ARHGAP32: variants seen among roughly 807,000 people sequenced by gnomAD.
ARHGAP32 encodes Rho GTPase activating protein 32.
A neutral mutation model predicts 186.5 loss-of-function variants in ARHGAP32; 51 were observed. The ratio of observed to expected loss-of-function variants is 0.27; its 90% CI spans 0.22 to 0.35. ARHGAP32 has a LOEUF of 0.35. ARHGAP32 is among the 10% of genes least tolerant of loss of function. The pLI, the probability that ARHGAP32 is intolerant of heterozygous loss-of-function variation, is 1.00. For synonymous variants in ARHGAP32, 950 were observed against 964.3 expected, an observed-to-expected ratio of 0.99 and a Z score of 0.27; for missense variants, 2,186 against 2,623.5, an observed-to-expected ratio of 0.83 and a Z score of 3.64.
chr11:129,144,502 A>G (rs1352543704), intron 2 of ARHGAP32, among the ~76,000 whole-genome samples: 3 of 152,138 alleles, frequency 2.0e-5, no homozygotes, highest in African/African-American at 7.2e-5. Flanking sequence ...AATGGGGAAT[A>G]TTTCCTAATG....
At chr11:129,157,328 T>C (rs981473067) in intron 2 of ARHGAP32, among the ~76,000 whole-genome samples, 2 of 151,786 alleles carry the variant, frequency 1.3e-5, no homozygotes, top group Non-Finnish European at 2.9e-5. Flanking sequence ...GCTAAGAACT[T>C]TGAAAAAAGC....
intron 1 of ARHGAP32, among the ~76,000 whole-genome samples, chr11:129,187,026 T>G (rs1226733434): frequency 1.3e-5 from 2 of 152,116 alleles, no homozygotes; most frequent in Admixed American, 1.3e-4. Context: ...TATACCCAAA[T>G]GAAAGGAAAT....
chr11:128,985,175 T>C (rs1945827093), intron 15 of ARHGAP32, among the ~76,000 whole-genome samples: 2 of 152,102 alleles, frequency 1.3e-5, no homozygotes, highest in South Asian at 2.1e-4. Flanking sequence ...CGTGCTACCA[T>C]GCCCGGCTAA....
rs773938073 is a variant in ARHGAP32, at chr11:128,974,579, T to C, written c.2618A>G (p.Gln873Arg). ...GGTAAAGAATGGACTCAGTTTCTCC[T>C]GAAGAGGAGAGACAGGTTCAGAGCT... Reference protein sequence around the residue: ...TASSEPVSPLQEKLSPFFTLD... With the variant: ...TASSEPVSPLREKLSPFFTLD... Residue 873 changes from glutamine to arginine, a missense_variant, in exon 21 of 23, where the codon CAG (glutamine) becomes CGG (arginine). Gln to Arg is a conservative substitution (Grantham distance 43). Transcript: ENST00000682385. The C allele has an allele frequency of 1.9e-6, 3 of 1,614,162 alleles. No individual in the cohort carries two copies. The East Asian group carries it at 6.7e-5, about 36-fold the overall frequency.
At chr11:128,982,224 G>T (rs149359831) in intron 15 of ARHGAP32, among the ~76,000 whole-genome samples, 5 of 152,108 alleles carry the variant, frequency 3.3e-5, no homozygotes, top group Non-Finnish European at 7.4e-5. Flanking sequence ...AAAGAAAACA[G>T]TAATGTCTCA....
intron 6 of ARHGAP32, among the ~76,000 whole-genome samples, chr11:129,090,560 C>T (rs1276953409): frequency 6.6e-6 from 1 of 151,892 alleles, no homozygotes; most frequent in Non-Finnish European, 1.5e-5. Context: ...TTTTACTAAG[C>T]AACAATTATT....
Position 128,970,312 on chromosome 11 carries a change from T to C in ARHGAP32, c.4901A>G (p.Tyr1634Cys), listed in dbSNP as rs759469692. The C allele has an allele frequency of 6.2e-7, 1 of 1,614,152 alleles. No individual in the cohort carries two copies. Among genetic ancestry groups the C allele is most frequent in the East Asian group, 2.2e-5 (1 of 44,890 alleles). Residue 1634 changes from tyrosine to cysteine, a missense_variant, in exon 23 of 23, where the codon TAT becomes TGT. Physicochemically the swap from Tyr to Cys is radical, Grantham distance 194. This residue lies in a region of ARHGAP32 where 1,502 missense variants were observed against 1,570.0 expected (regional missense o/e 0.96). Coordinates refer to ENST00000682385, the MANE Select transcript of ARHGAP32 (RefSeq NM_001378024.1). The surrounding 1 kb of genome is among the most constrained non-coding windows in gnomAD (Gnocchi z 5.8). Reference sequence around the variant, plus strand: ...GGCCTGGGAGGACTGATATGGCTTATATTGGTACAGAGGTCTTGGGCAGTA... The same window carrying C: ...GGCCTGGGAGGACTGATATGGCTTACATTGGTACAGAGGTCTTGGGCAGTA... The part of the protein sequence containing the change: ...PAYCPRPLYQ[Y>C]KPYQSSQARS...
chr11:129,043,211 T>G (rs1347381786), intron 10 of ARHGAP32, among the ~76,000 whole-genome samples: 3 of 152,074 alleles, frequency 2.0e-5, no homozygotes, highest in Non-Finnish European at 4.4e-5. Flanking sequence ...ACATCTGAAA[T>G]TATAGTGCTC....
intron 21 of ARHGAP32, chr11:128,973,745 A>G: frequency 1.9e-6 from 1 of 528,012 alleles, no homozygotes. Flanking sequence ...GTGCTTGTAG[A>G]CTGTTATTAT....
chr11:129,112,630 C>G (rs899196356), intron 5 of ARHGAP32, among the ~76,000 whole-genome samples: 8 of 152,152 alleles, frequency 5.3e-5, no homozygotes, highest in African/African-American at 1.9e-4. Flanking sequence ...TCTGCTGCCT[C>G]TTGGGTGACA....
At chr11:129,066,697 G>A (rs1325506239) in intron 7 of ARHGAP32, 34 bp downstream of exon 7, 1 of 1,598,578 alleles carries the variant, frequency 6.3e-7, no homozygotes, top group Non-Finnish European at 8.5e-7. Flanking sequence ...CATATATAGT[G>A]ATTACCTCTG....
At chr11:129,200,737 A>G (rs1263007027) in intron 1 of ARHGAP32, among the ~76,000 whole-genome samples, 1 of 152,230 alleles carries the variant, frequency 6.6e-6, no homozygotes, top group Non-Finnish European at 1.5e-5. Context: ...TTAATGTATA[A>G]AATAGAAACA....
chr11:129,208,056 G>C (rs1944538026), intron 1 of ARHGAP32, among the ~76,000 whole-genome samples: 1 of 152,054 alleles, frequency 6.6e-6, no homozygotes. Flanking sequence ...ATTCCACCTA[G>C]TATGTTTGCC....
chr11:129,015,872 T>A (rs1938312935), intron 11 of ARHGAP32, among the ~76,000 whole-genome samples: 1 of 152,214 alleles, frequency 6.6e-6, no homozygotes, highest in Non-Finnish European at 1.5e-5. Context: ...TATAATCTGG[T>A]AAGTGTCTCC....
At chr11:128,971,405 C>T (rs575231023) in intron 22 of ARHGAP32, 13 of 440,044 alleles carry the variant, frequency 3.0e-5, no homozygotes, top group Admixed American at 1.5e-4. Flanking sequence ...GTTTTAAATG[C>T]GAGATGAGGT....
intron 1 of ARHGAP32, among the ~76,000 whole-genome samples, chr11:129,200,300 TA>T (rs1458176695): frequency 6.6e-6 from 1 of 152,138 alleles, no homozygotes; most frequent in Non-Finnish European, 1.5e-5. Flanking sequence ...GACAGAATGA[TA>T]TGGTTTGGCT....
chr11:129,069,574 T>C (rs1940805724), intron 6 of ARHGAP32, among the ~76,000 whole-genome samples: 1 of 152,056 alleles, frequency 6.6e-6, no homozygotes, highest in South Asian at 2.1e-4. Flanking sequence ...AGTTAATATA[T>C]CTTTAGAGAT....
At chr11:129,193,494 A>AT (rs1944309431), upstream of ARHGAP32, among the ~76,000 whole-genome samples, 5 of 98,934 alleles carry the variant, frequency 5.1e-5, no homozygotes, top group African/African-American at 8.0e-5. Context: ...AAAAAAAAAA[A>AT]AAAAAATATA....
chr11:129,156,506 A>C (rs1307297793), intron 2 of ARHGAP32, among the ~76,000 whole-genome samples: 1 of 152,198 alleles, frequency 6.6e-6, no homozygotes, highest in African/African-American at 2.4e-5. Flanking sequence ...CCAACCACAG[A>C]GCCACAAAGC....
Sources: gnomAD v4.1 joint callset for allele counts (sites outside exome capture counted in the v4.1 genomes callset) on GRCh38, gnomAD v4.1.1 for gene constraint, gnomAD v4.1.1 regional missense constraint, Gnocchi (gnomAD v3.1) non-coding constraint, MANE v1.5 for transcripts, NCBI Gene and HGNC (gene_info 2026-07-23, HGNC 2026-07-21) for gene names.